The following HYDIN variants were observed in gnomAD, a reference collection of about 807,000 sequenced individuals.
The protein encoded by HYDIN is HYDIN axonemal central pair apparatus protein, also known as axonemal central pair apparatus protein HYDIN.
Under a neutral mutation model 403.9 loss-of-function variants are expected in HYDIN, and 132 were observed. The observed-to-expected ratio is 0.33, with a 90% CI of 0.28 to 0.38. The LOEUF (loss-of-function observed/expected upper bound fraction) is 0.38. Among genes scored for constraint, HYDIN ranks in the 10% least tolerant of loss-of-function variants. HYDIN has a pLI of 1.00. For missense variants in HYDIN, 2,827 were observed against 5,009.5 expected (o/e 0.56, Z 13.15); for synonymous variants, 1,202 against 1,891.7 (o/e 0.64, Z 9.46).
At chr16:70,905,877 C>T (rs1567805338) in intron 50 of HYDIN, among the ~76,000 whole-genome samples, 2 of 151,622 alleles carry the variant, frequency 1.3e-5, no homozygotes, top group African/African-American at 2.4e-5. Flanking sequence ...ATACTTTTCC[C>T]TCCTAAGCCC....
chr16:71,227,230 T>TTC (rs1598079761), intron 1 of HYDIN, among the ~76,000 whole-genome samples: 2 of 152,088 alleles, frequency 1.3e-5, no homozygotes, highest in East Asian at 1.9e-4. Flanking sequence ...TTCACCAAAC[T>TTC]TCTTCACCAA....
intron 23 of HYDIN, among the ~76,000 whole-genome samples, chr16:70,994,315 G>GGA (rs1208459315): frequency 6.3e-3 from 892 of 142,222 alleles, no homozygotes; most frequent in African/African-American, 0.021. Flanking sequence ...GGATGGATGG[G>GGA]TGTGTGGAAT....
chr16:71,203,452 T>G (rs546079274), intron 1 of HYDIN, among the ~76,000 whole-genome samples: 1 of 152,224 alleles, frequency 6.6e-6, no homozygotes, highest in Admixed American at 6.5e-5. Context: ...ATAACCACTA[T>G]GCAATGGTAT....
At chr16:70,869,568 AAGGGGTT>A (rs1230717820) in intron 65 of HYDIN, among the ~76,000 whole-genome samples, 3 of 145,662 alleles carry the variant, frequency 2.1e-5, no homozygotes, top group African/African-American at 7.7e-5. Context: ...ATGGTTTTAT[AAGGGGTT>A]TCCCCTTTTG....
In HYDIN at chr16:70,889,697, G is replaced by C; in HGVS notation, c.9664C>G (p.His3222Asp). 1.6e-6 allele frequency: 1 copy of C among 638,570 alleles called. No homozygotes were observed. The highest frequency in any genetic ancestry group is 2.8e-6 in the Non-Finnish European group (1 of 357,612). 39.6% of individuals were successfully genotyped at this position (638,570 alleles called of 1,614,324 possible). A position where few individuals can be genotyped will look rare whatever the true frequency, so the allele number is the denominator to read the frequency against. ...TCTCGGGATCTTGCATGTCTGACGT[G>C]GCTGGCTCTGATTAAAGAAGCAAGA... Reference protein sequence around the residue: ...SPIHQKKAASHVRHARSRESE... With the variant: ...SPIHQKKAASDVRHARSRESE... The change falls in exon 58 of 86, where the codon CAC becomes GAC. Residue 3222 changes from histidine (H) to aspartate (D), a missense_variant. By Grantham distance (81) the His-to-Asp change is moderately conservative (BLOSUM62 -1). Coordinates refer to ENST00000393567, the MANE Select transcript of HYDIN (RefSeq NM_001270974.2).
intron 36 of HYDIN, among the ~76,000 whole-genome samples, chr16:70,966,629 A>G (rs1386246059): frequency 4.0e-5 from 6 of 149,832 alleles, no homozygotes; most frequent in Non-Finnish European, 8.9e-5. Flanking sequence ...GGACAAGAAT[A>G]CCTTATGAGG....
intron 23 of HYDIN, among the ~76,000 whole-genome samples, chr16:70,993,883 A>C (rs979555055): frequency 6.6e-6 from 1 of 152,058 alleles, no homozygotes; most frequent in Admixed American, 6.6e-5. Context: ...GCATACGGTG[A>C]TATCACATTG....
rs2080928789 is a variant in HYDIN at position 71,031,937 on chromosome 16, G to A, written c.2530-20C>T. ...GTGTGCCTGCAACACAAGAGTACAA[G>A]TTAACAGGGAAGATATTCTTGGCTT... On this transcript the variant is annotated intron_variant, in intron 18 of 85. Transcript: ENST00000393567. 6.4e-7 allele frequency: 1 copy of A among 1,567,472 alleles called. No individual in the cohort carries two copies. Among genetic ancestry groups the A allele is most frequent in the South Asian group, 1.1e-5 (1 of 87,280 alleles).
chr16:70,860,218 G>A lies in HYDIN; in HGVS notation c.11991-12C>T, dbSNP rs1232813883. 2 of 1,609,558 alleles carry A rather than the reference G, an allele frequency of 1.2e-6. No homozygotes were observed. The highest frequency in any genetic ancestry group is 1.3e-5 in the African/African-American group (1 of 74,546). On this transcript the variant is annotated splice_polypyrimidine_tract_variant and intron_variant, in intron 70 of 85. Transcript: ENST00000393567. Reference sequence around the variant, plus strand: ...GGATGGTAAAGGTCCTGGCCAGGGTGGAGAGAATTGACAGAAGAGAGTGGG... The same window carrying A: ...GGATGGTAAAGGTCCTGGCCAGGGTAGAGAGAATTGACAGAAGAGAGTGGG...
intron 18 of HYDIN, among the ~76,000 whole-genome samples, chr16:71,050,384 C>G (rs1428898819): frequency 7.9e-6 from 1 of 126,194 alleles, no homozygotes; most frequent in East Asian, 2.0e-4. Context: ...AACTACAGAT[C>G]TCTAGCATTA....
intron 25 of HYDIN, among the ~76,000 whole-genome samples, chr16:70,989,343 T>G (rs1412548290): frequency 6.6e-6 from 1 of 152,152 alleles, no homozygotes; most frequent in Non-Finnish European, 1.5e-5. Context: ...TGGCCTATTC[T>G]TGAGTTTTCT....
chr16:71,171,886 A>G (rs1368512583), intron 5 of HYDIN, among the ~76,000 whole-genome samples: 3 of 152,202 alleles, frequency 2.0e-5, no homozygotes, highest in Non-Finnish European at 2.9e-5. Context: ...CTCCACAAAT[A>G]TTTACTGCAC....
Position 70,807,514 on chromosome 16 carries a change from T to G in HYDIN, c.*66A>C. The G allele has an allele frequency of 1.3e-6, 2 of 1,497,386 alleles. No homozygotes were observed. Among genetic ancestry groups the G allele is most frequent in the Admixed American group, 4.5e-5 (2 of 44,480 alleles). The allele number at this position is 1,497,386 out of a possible 1,614,324, so 92.8% of individuals were successfully genotyped here. On this transcript the variant is annotated 3_prime_UTR_variant, in exon 86 of 86. Coordinates refer to ENST00000393567, the MANE Select transcript of HYDIN (RefSeq NM_001270974.2). ...AGTTCCTTTAGAATTCTTATTGTTT[T>G]CTCTATTCTTTTTCAGGCTAAGACA...
chr16:70,943,239 TAGAA>T (rs111457376), intron 42 of HYDIN, among the ~76,000 whole-genome samples: 3 of 152,272 alleles, frequency 2.0e-5, no homozygotes, highest in African/African-American at 7.2e-5. Flanking sequence ...AATTAAAAAT[TAGAA>T]AGAGTGTTAC....
At chr16:70,990,183 C>T (rs56333721) in intron 25 of HYDIN, among the ~76,000 whole-genome samples, 3 of 151,640 alleles carry the variant, frequency 2.0e-5, no homozygotes, top group Admixed American at 6.6e-5. Context: ...ATTGCCTGAG[C>T]TCAGATGTTC....
intron 10 of HYDIN, among the ~76,000 whole-genome samples, chr16:71,106,676 T>C (rs1436801647): frequency 6.6e-6 from 1 of 152,084 alleles, no homozygotes; most frequent in Non-Finnish European, 1.5e-5. Flanking sequence ...TCTGAACATA[T>C]ATTTACATAA....
At chr16:71,135,266 T>C (rs942263414) in intron 8 of HYDIN, among the ~76,000 whole-genome samples, 2 of 151,768 alleles carry the variant, frequency 1.3e-5, no homozygotes, top group Admixed American at 6.6e-5. Context: ...TAAAAGACAA[T>C]ATTAAAGAGA....
At chr16:70,892,816 G>C (rs1001723270) in intron 55 of HYDIN, among the ~76,000 whole-genome samples, 3 of 152,240 alleles carry the variant, frequency 2.0e-5, no homozygotes, top group African/African-American at 4.8e-5. Context: ...ATTGAAAAAG[G>C]ACCATCTAAA....
intron 80 of HYDIN, among the ~76,000 whole-genome samples, chr16:70,831,529 C>CAAAAAAAAAAAA (rs57465488): frequency 1.1e-5 from 1 of 91,562 alleles, no homozygotes; most frequent in Non-Finnish European, 2.3e-5. Context: ...AAAAAAAAAC[C>CAAAAAAAAAAAA]AAAAAAAAAA....
Sources: gnomAD v4.1 joint callset for allele counts (sites outside exome capture counted in the v4.1 genomes callset) on GRCh38, gnomAD v4.1.1 for gene constraint, MANE v1.5 for transcripts, NCBI Gene and HGNC (gene_info 2026-07-23, HGNC 2026-07-21) for gene names.